Variants in SGCD observed in about 807,000 individuals in gnomAD.
SGCD encodes the protein sarcoglycan delta.
A neutral mutation model predicts 36.6 loss-of-function variants in SGCD; 18 were observed. The observed-to-expected ratio is 0.49, with a 90% CI of 0.34 to 0.73. The LOEUF is 0.73. Ranked by LOEUF, SGCD falls within the 30% of genes least tolerant of loss-of-function variation. The pLI is 0.01. For synonymous variants in SGCD, 133 were observed against 130.6 expected (o/e 1.02, Z -0.12); for missense variants, 387 against 346.7 (o/e 1.12, Z -0.92).
At chr5:156,212,234 A>C (rs921096722) in intron 3 of SGCD, among the ~76,000 whole-genome samples, 3 of 152,242 alleles carry the variant, frequency 2.0e-5, no homozygotes, top group African/African-American at 7.2e-5. Context: ...ATGGATTTTA[A>C]AAAGATCTAA....
chr5:155,859,410 G>T, the SGCD span, among the ~76,000 whole-genome samples: 1 of 151,984 alleles, frequency 6.6e-6, no homozygotes, highest in African/African-American at 2.4e-5. Flanking sequence ...CATTAAAATT[G>T]ACCAATTTTA....
intron 6 of SGCD, among the ~76,000 whole-genome samples, chr5:156,621,191 A>G (rs1315770085): frequency 6.6e-6 from 1 of 151,918 alleles, no homozygotes; most frequent in African/African-American, 2.4e-5. Flanking sequence ...CAAGAAAGTT[A>G]GATTTTTTTT....
chr5:156,131,702 AG>A (rs1365439971), intron 3 of SGCD, among the ~76,000 whole-genome samples: 1 of 152,216 alleles, frequency 6.6e-6, no homozygotes, highest in Non-Finnish European at 1.5e-5. Flanking sequence ...CAGAAAAAAA[AG>A]GCATTTAATT....
chr5:156,052,601 A>AAT, intron 1 of SGCD, among the ~76,000 whole-genome samples: 1 of 146,348 alleles, frequency 6.8e-6, no homozygotes, highest in African/African-American at 2.5e-5. Context: ...TGGTAGAAAC[A>AAT]ATAGAGTTTG....
At chr5:156,090,157 A>C (rs39947) in intron 1 of SGCD, among the ~76,000 whole-genome samples, 65,637 of 151,976 alleles carry the variant, frequency 0.43, 14,672 homozygotes, top group African/African-American at 0.53. Flanking sequence ...GTAGGCACAG[A>C]AACTGCTCCT....
the SGCD span, among the ~76,000 whole-genome samples, chr5:155,796,414 G>A: frequency 6.6e-5 from 10 of 152,104 alleles, no homozygotes; most frequent in South Asian, 2.1e-3. Flanking sequence ...CTGATGAAAA[G>A]ATGAGTTATC....
At chr5:156,624,472 T>C (rs1014938509) in intron 6 of SGCD, among the ~76,000 whole-genome samples, 4 of 152,074 alleles carry the variant, frequency 2.6e-5, no homozygotes. Flanking sequence ...TTCCAGCTAC[T>C]CGGGAGGCTG....
intron 1 of SGCD, among the ~76,000 whole-genome samples, chr5:156,007,640 C>G (rs1441850849): frequency 6.6e-6 from 1 of 152,144 alleles, no homozygotes; most frequent in East Asian, 1.9e-4. Flanking sequence ...GAGTAGGGCT[C>G]TGGGGGTAGT....
At chr5:156,554,727 T>C (rs1041237139) in intron 4 of SGCD, among the ~76,000 whole-genome samples, 1 of 151,676 alleles carries the variant, frequency 6.6e-6, no homozygotes, top group Non-Finnish European at 1.5e-5. Context: ...ATGTATTCCC[T>C]GAAGATAAGG....
rs549882857 is a variant in SGCD, at chr5:156,648,754, G to T, written c.575+1218G>T. ...AACTTACCTGATTTTCTGTTAGCTA[G>T]TTCCTATGTTTCATATAAGGTACTG... is the stretch of plus-strand genomic sequence containing the variant. On this transcript the variant is annotated intron_variant, in intron 7 of 8. Transcript: ENST00000337851. Among the ~76,000 whole-genome samples the T allele has an allele frequency of 2.6e-5, 4 of 152,256 alleles. No homozygotes were observed. In the East Asian group the frequency reaches 7.7e-4, roughly 29 times the overall value.
At chr5:156,755,583 T>C (rs762094541) in intron 7 of SGCD, among the ~76,000 whole-genome samples, 4 of 152,114 alleles carry the variant, frequency 2.6e-5, no homozygotes, top group Non-Finnish European at 5.9e-5. Flanking sequence ...TGCTACTGAG[T>C]CCCTCTCCCT....
chr5:156,525,896 T>C (rs1338933746), intron 4 of SGCD, among the ~76,000 whole-genome samples: 2 of 152,174 alleles, frequency 1.3e-5, no homozygotes, highest in East Asian at 3.8e-4. Flanking sequence ...ACCATATCTG[T>C]GGGTTTATTG....
chr5:156,765,354 TTTC>T lies in SGCD; in HGVS notation c.*5967_*5969del, dbSNP rs1757569774. 1 of 152,142 alleles carries T rather than the reference TTTC, an allele frequency of 6.6e-6. No individual in the cohort carries two copies. The highest frequency in any genetic ancestry group is 1.5e-5 in the Non-Finnish European group (1 of 68,024). The allele number at this position is 152,142 out of a possible 1,614,324, so 9.4% of individuals were successfully genotyped here. A position where few individuals can be genotyped will look rare whatever the true frequency, so the allele number is the denominator to read the frequency against. On this transcript the variant is annotated 3_prime_UTR_variant, in exon 9 of 9. Transcript: ENST00000337851. ...ACACTTGTCAACAAGGAAGACAGTG[TTTC>T]TTTAGTTCCCATATTCATCTAATTC... is the stretch of plus-strand genomic sequence containing the variant.
At chr5:156,217,321 G>A (rs893355829) in intron 3 of SGCD, among the ~76,000 whole-genome samples, 3 of 151,950 alleles carry the variant, frequency 2.0e-5, no homozygotes, top group African/African-American at 4.8e-5. Flanking sequence ...GTAGTGAAAC[G>A]TATTTTTGTT....
At chr5:156,467,399 C>A (rs746893773) in intron 3 of SGCD, among the ~76,000 whole-genome samples, 4 of 152,138 alleles carry the variant, frequency 2.6e-5, no homozygotes, top group Non-Finnish European at 5.9e-5. Context: ...CAAACCATCA[C>A]ATTTTTTCTC....
At chr5:156,209,295 G>T (rs1488187657) in intron 3 of SGCD, among the ~76,000 whole-genome samples, 1 of 152,202 alleles carries the variant, frequency 6.6e-6, no homozygotes, top group Non-Finnish European at 1.5e-5. Context: ...CAGAGCACCA[G>T]GTTTCAGGCC....
chr5:155,983,059 C>G (rs1758260748), intron 1 of SGCD, among the ~76,000 whole-genome samples: 2 of 152,090 alleles, frequency 1.3e-5, no homozygotes, highest in South Asian at 4.1e-4. Context: ...TGAGATAATG[C>G]TTGTGTTTTT....
At chr5:156,041,093 A>G (rs1051207557) in intron 1 of SGCD, among the ~76,000 whole-genome samples, 1 of 152,208 alleles carries the variant, frequency 6.6e-6, no homozygotes, top group Non-Finnish European at 1.5e-5. Flanking sequence ...GCATCAGCTC[A>G]ATGTCAGGAC....
At chr5:155,958,392 G>T (rs940751618) in intron 1 of SGCD, among the ~76,000 whole-genome samples, 5 of 152,046 alleles carry the variant, frequency 3.3e-5, no homozygotes, top group Non-Finnish European at 7.4e-5. Context: ...AATGCCCAAG[G>T]TTCCTCAGCT....
Sources: allele counts gnomAD v4.1 joint callset (sites outside exome capture counted in the v4.1 genomes callset), GRCh38; gene constraint gnomAD v4.1.1; transcripts MANE v1.5; gene names NCBI Gene and HGNC (gene_info 2026-07-23, HGNC 2026-07-21).